Variants in ADAMTS7 observed in about 807,000 individuals in gnomAD.
The protein encoded by ADAMTS7 is ADAM metallopeptidase with thrombospondin type 1 motif 7, also known as A disintegrin and metalloproteinase with thrombospondin motifs 7.
A neutral mutation model predicts 172.6 loss-of-function variants in ADAMTS7; 89 were observed. That is an observed-to-expected ratio of 0.52 (90% confidence interval 0.43 to 0.61). ADAMTS7 has a LOEUF of 0.61. ADAMTS7 is among the 20% of genes least tolerant of loss of function. The probability of loss-of-function intolerance (pLI) is 0.00; values close to 1 mark genes in which losing one functional copy is unlikely to be tolerated. For synonymous variants in ADAMTS7, 885 were observed against 978.4 expected, an observed-to-expected ratio of 0.90 and a Z score of 1.78; for missense variants, 1,973 against 2,355.6, an observed-to-expected ratio of 0.84 and a Z score of 3.36.
At chr15:78,791,476 G>A (rs1307511821) in intron 4 of ADAMTS7, among the ~76,000 whole-genome samples, 3 of 152,202 alleles carry the variant, frequency 2.0e-5, no homozygotes, top group Non-Finnish European at 2.9e-5. Flanking sequence ...GGCCTCCGAG[G>A]CCCCTTCCCA....
intron 8 of ADAMTS7, among the ~76,000 whole-genome samples, chr15:78,784,336 G>A (rs2055471680): frequency 7.0e-6 from 1 of 142,384 alleles, no homozygotes; most frequent in South Asian, 2.3e-4. Context: ...CTGCACTCCA[G>A]CCTGGGCAAC....
intron 8 of ADAMTS7, among the ~76,000 whole-genome samples, chr15:78,787,749 C>T (rs2055523708): frequency 6.6e-6 from 1 of 152,162 alleles, no homozygotes; most frequent in Non-Finnish European, 1.5e-5. Flanking sequence ...TATTTCAGTT[C>T]CCTTAATGGC....
chr15:78,764,773 A>G, intron 19 of ADAMTS7, 66 bp from the exon 20 acceptor site: 3 of 1,413,266 alleles, frequency 2.1e-6, no homozygotes, highest in East Asian at 2.7e-5. Context: ...CAGCCAGGAA[A>G]CTACCCACCT....
chr15:78,766,618 G>A lies in ADAMTS7; in HGVS notation c.3293C>T (p.Pro1098Leu), dbSNP rs185729893. Residue 1098 changes from proline (P) to leucine (L), a missense_variant, in exon 19 of 24, where the codon CCA becomes CTA. Pro to Leu is a moderately conservative substitution (Grantham distance 98). Transcript: ENST00000388820. ...GGAGGGCGCAGCAGGATGGCTGTGT[G>A]GTGGGGGTGTCCGGTCCCCTGTCCC... ...LAGTGDRTPP[P>L]HSHPAAPSTG... The A allele has an allele frequency of 0.014, 22,928 of 1,605,528 alleles. 450 individuals are homozygous for A. Among genetic ancestry groups the A allele is most frequent in the East Asian group, 0.085 (3,816 of 44,776 alleles).
In ADAMTS7 at chr15:78,789,848, C is replaced by A. The variant is rs376668285; in HGVS notation, c.1029-10G>T. ...TGCACACAGGTCCTTTCTGCACAGG[C>A]AAAGAAGCAGCCTTCAGGCTAACCT... On this transcript the variant is annotated splice_polypyrimidine_tract_variant and intron_variant, in intron 6 of 23. Transcript: ENST00000388820. The A allele has an allele frequency of 4.6e-4, 719 of 1,575,462 alleles. 4 individuals carry two copies. Among genetic ancestry groups the A allele is most frequent in the Middle Eastern group, 1.9e-3 (10 of 5,318 alleles).
chr15:78,805,137 C>T (rs554012451), intron 1 of ADAMTS7, among the ~76,000 whole-genome samples: 2 of 152,300 alleles, frequency 1.3e-5, no homozygotes, highest in Non-Finnish European at 2.9e-5. Flanking sequence ...TCTGATCTAG[C>T]CAGTTCAGAG....
chr15:78,786,296 T>C (rs142833365), intron 8 of ADAMTS7, among the ~76,000 whole-genome samples: 362 of 152,292 alleles, frequency 2.4e-3, no homozygotes, highest in Non-Finnish European at 4.0e-3. Context: ...ACACAGGCAA[T>C]GTCTGTGTCC....
intron 19 of ADAMTS7, 121 bp downstream of exon 19, chr15:78,765,524 C>T (rs2055124808): frequency 6.7e-7 from 1 of 1,495,798 alleles, no homozygotes; most frequent in Non-Finnish European, 9.1e-7. Flanking sequence ...ATCCTGGGAA[C>T]CCCTGCCCCA....
chr15:78,759,987 C>A (rs1025732298), intron 23 of ADAMTS7, among the ~76,000 whole-genome samples: 65 of 152,260 alleles, frequency 4.3e-4, no homozygotes, highest in Admixed American at 7.2e-4. Context: ...GCGGCCTCTG[C>A]CCCCGACTCC....
chr15:78,782,480 TG>T (rs898493767), intron 8 of ADAMTS7, among the ~76,000 whole-genome samples: 2 of 148,888 alleles, frequency 1.3e-5, no homozygotes, highest in African/African-American at 2.5e-5. Flanking sequence ...CCACAGTGAG[TG>T]GACTTCTAGA....
rs550849224 is a variant in ADAMTS7 at position 78,759,354 on chromosome 15, C to G, written c.*67G>C. The G allele has an allele frequency of 1.1e-4, 162 of 1,481,508 alleles. No homozygotes were observed. The African/African-American group carries it at 1.3e-3, about 12-fold the overall frequency. 91.8% of individuals were successfully genotyped at this position (1,481,508 alleles called of 1,614,324 possible). On this transcript the variant is annotated 3_prime_UTR_variant, in exon 24 of 24. Coordinates refer to ENST00000388820, the MANE Select transcript of ADAMTS7 (RefSeq NM_014272.5). ...GTTAGCACCATTAGGGCGCAGGGGGCGGGAGCTCCGCCACAGCCCGTGGTG... is the reference window on the plus strand; with the variant it reads ...GTTAGCACCATTAGGGCGCAGGGGGGGGGAGCTCCGCCACAGCCCGTGGTG...
At chr15:78,776,636 G>A (rs2055349884) in intron 10 of ADAMTS7, 113 bp downstream of exon 10, 2 of 1,128,580 alleles carry the variant, frequency 1.8e-6, no homozygotes, top group Admixed American at 4.2e-5. Context: ...AGAGCGTGGG[G>A]CTCTGCTAGG....
At chr15:78,799,084 A>G (rs1306211492) in intron 2 of ADAMTS7, among the ~76,000 whole-genome samples, 2 of 150,838 alleles carry the variant, frequency 1.3e-5, no homozygotes, top group African/African-American at 4.9e-5. Context: ...TCAATTGTAC[A>G]TTAAGGGACA....
In ADAMTS7 at chr15:78,766,210, G is replaced by C. The variant is rs371058694; in HGVS notation, c.3701C>G (p.Pro1234Arg). Reference sequence around the variant, plus strand: ...AGGGGGCAGCGTGGAGCTGGGTCTCGGGGGCAGGTGGGGTGCTCCTCGGCC... The same window carrying C: ...AGGGGGCAGCGTGGAGCTGGGTCTCCGGGGCAGGTGGGGTGCTCCTCGGCC... ...PKGRGAPHLPPRPSSTLPPLS... is the reference protein window; with the variant it reads ...PKGRGAPHLPRRPSSTLPPLS... Residue 1234 changes from proline to arginine, a missense_variant, in exon 19 of 24, where the codon CCG becomes CGG. Around this residue, in one of 8 missense-constraint regions of ADAMTS7, gnomAD observed 771 missense variants for 952.6 expected, o/e 0.81. Coordinates refer to ENST00000388820, the MANE Select transcript of ADAMTS7 (RefSeq NM_014272.5). 19 of 1,611,634 alleles carry C rather than the reference G, an allele frequency of 1.2e-5. No individual in the cohort carries two copies. Among genetic ancestry groups the C allele is most frequent in the Non-Finnish European group, 1.5e-5 (18 of 1,179,738 alleles).
At chr15:78,782,934 C>T (rs1320100844) in intron 8 of ADAMTS7, among the ~76,000 whole-genome samples, 2 of 151,994 alleles carry the variant, frequency 1.3e-5, no homozygotes, top group East Asian at 1.9e-4. Flanking sequence ...GGCTCTGGCC[C>T]AGGAATGGTA....
chr15:78,762,898 C>T (rs1248686905), intron 22 of ADAMTS7, among the ~76,000 whole-genome samples: 1 of 152,212 alleles, frequency 6.6e-6, no homozygotes, highest in Non-Finnish European at 1.5e-5. Context: ...CCTGATGCAG[C>T]AGTGGGCAGA....
intron 11 of ADAMTS7, among the ~76,000 whole-genome samples, chr15:78,775,937 G>A (rs1388998409): frequency 6.6e-6 from 1 of 152,188 alleles, no homozygotes; most frequent in African/African-American, 2.4e-5. Context: ...TTTGCCATGT[G>A]GCCTCTGATG....
In ADAMTS7 at chr15:78,771,124, GC is replaced by G. The variant is rs751580240; in HGVS notation, c.2518+37del. On this transcript the variant is annotated intron_variant, in intron 16 of 23. Coordinates refer to ENST00000388820, the MANE Select transcript of ADAMTS7 (RefSeq NM_014272.5). The surrounding 1 kb of genome is among the most constrained non-coding windows in gnomAD (Gnocchi z 4.9). Reference sequence around the variant, plus strand: ...GCCAGTGTCCCTGTCCAGACACTAAGCCCCTGCAGGTGGGGCTGTGCCTGCC... The same window carrying G: ...GCCAGTGTCCCTGTCCAGACACTAAGCCCTGCAGGTGGGGCTGTGCCTGCC... 2 of 1,562,410 alleles carry G rather than the reference GC, an allele frequency of 1.3e-6. No individual in the cohort carries two copies. Among genetic ancestry groups the G allele is most frequent in the South Asian group, 1.2e-5 (1 of 85,134 alleles).
At chr15:78,768,344 C>T in intron 16 of ADAMTS7, 85 bp from the exon 17 acceptor site, 1 of 1,576,276 alleles carries the variant, frequency 6.3e-7, no homozygotes. Flanking sequence ...CCAGAACCCT[C>T]CCAGAACAGC....
Sources: allele counts gnomAD v4.1 joint callset (sites outside exome capture counted in the v4.1 genomes callset), GRCh38; gene constraint gnomAD v4.1.1; regional missense constraint gnomAD v4.1.1; non-coding constraint Gnocchi (gnomAD v3.1); transcripts MANE v1.5; gene names NCBI Gene and HGNC (gene_info 2026-07-23, HGNC 2026-07-21).